The following RTL4 variants were observed in gnomAD, a reference collection of about 807,000 sequenced individuals.
The protein encoded by RTL4 is retrotransposon Gag-like protein 4.
A neutral mutation model predicts 5.3 loss-of-function variants in RTL4; 4 were observed. The ratio of observed to expected loss-of-function variants is 0.75; its 90% CI spans 0.37 to 1.72. The LOEUF is 1.72. Ranked by LOEUF, RTL4 falls within the 40% of genes most tolerant of loss-of-function variation. The pLI, the probability that RTL4 is intolerant of heterozygous loss-of-function variation, is 0.04. For synonymous variants in RTL4, 98 were observed against 87.3 expected (o/e 1.12, Z -0.68); for missense variants, 260 against 227.1 (o/e 1.14, Z -0.93).
At chrX:112,451,014 A>G (rs1926725401), upstream of RTL4, among the ~76,000 whole-genome samples, 2 of 111,367 alleles carry the variant, frequency 1.8e-5, no homozygotes, top group Admixed American at 9.5e-5. Flanking sequence ...GACTATTCAG[A>G]CATTTTTTTT....
the RTL4 span, among the ~76,000 whole-genome samples, chrX:112,356,713 C>T: frequency 9.0e-6 from 1 of 110,602 alleles, no homozygotes; most frequent in Non-Finnish European, 1.9e-5. Context: ...ATAACTTTAT[C>T]TTGTAAGTAA....
chrX:112,212,054 C>T, the RTL4 span, among the ~76,000 whole-genome samples: 1 of 112,152 alleles, frequency 8.9e-6, no homozygotes, highest in Non-Finnish European at 1.9e-5. Flanking sequence ...ACAATAGTAC[C>T]TTCTTTATAG....
At chrX:112,356,329 C>T in the RTL4 span, among the ~76,000 whole-genome samples, 19 of 111,322 alleles carry the variant, frequency 1.7e-4, no homozygotes, top group African/African-American at 5.2e-4. Context: ...GAATGTATTT[C>T]GTCTAGTCCA....
the RTL4 span, among the ~76,000 whole-genome samples, chrX:112,142,053 A>G: frequency 8.9e-6 from 1 of 112,418 alleles, no homozygotes; most frequent in South Asian, 3.7e-4. Flanking sequence ...CAATATTGCC[A>G]TCTGTACTTG....
the RTL4 span, among the ~76,000 whole-genome samples, chrX:112,096,585 C>T: frequency 9.0e-5 from 10 of 111,425 alleles, no homozygotes; most frequent in Non-Finnish European, 1.5e-4. Flanking sequence ...TGACATTAGA[C>T]TTATTATATA....
chrX:112,108,782 G>A, the RTL4 span, among the ~76,000 whole-genome samples: 6 of 111,200 alleles, frequency 5.4e-5, no homozygotes, highest in Admixed American at 5.7e-4. Context: ...TGGGCCATCC[G>A]AATTCATCCT....
downstream of RTL4, chrX:112,457,190 A>G (rs1233138836): frequency 8.1e-6 from 1 of 122,877 alleles, no homozygotes; most frequent in African/African-American, 3.2e-5. Context: ...CTTAAACCTA[A>G]CTAGGACCTT....
chrX:112,309,520 A>C, the RTL4 span, among the ~76,000 whole-genome samples: 1 of 109,488 alleles, frequency 9.1e-6, no homozygotes, highest in Admixed American at 9.9e-5. Context: ...ACAGGATCTC[A>C]CTTCGTTTAC....
chrX:112,310,369 C>CATATATATAT, the RTL4 span, among the ~76,000 whole-genome samples: 1 of 4,357 alleles, frequency 2.3e-4, no homozygotes, highest in Non-Finnish European at 4.4e-4. Flanking sequence ...CACCTTTATA[C>CATATATATAT]ATATATATAT....
At chrX:112,176,684 A>G in the RTL4 span, among the ~76,000 whole-genome samples, 4 of 112,338 alleles carry the variant, frequency 3.6e-5, no homozygotes, top group Admixed American at 2.8e-4. Flanking sequence ...CGTTGGGAAC[A>G]TTACAGTTCT....
At chrX:112,179,312 A>T in the RTL4 span, among the ~76,000 whole-genome samples, 1 of 111,390 alleles carries the variant, frequency 9.0e-6, no homozygotes, top group Non-Finnish European at 1.9e-5. Flanking sequence ...TGTTAAGGGC[A>T]AAACCATTTT....
At chrX:112,261,580 A>G in the RTL4 span, among the ~76,000 whole-genome samples, 4 of 112,014 alleles carry the variant, frequency 3.6e-5, no homozygotes, top group Admixed American at 2.8e-4. Context: ...ATGCTCATGG[A>G]TAGGAAGAAT....
exon 1 of RTL4, chrX:112,454,704 A>G (rs752766583): frequency 2.2e-5 from 25 of 1,154,727 alleles, no homozygotes; most frequent in Non-Finnish European, 2.3e-5. Context: ...ATTCTACTCA[A>G]TCCCACCTGA....
the RTL4 span, among the ~76,000 whole-genome samples, chrX:112,237,747 C>G: frequency 8.9e-6 from 1 of 111,817 alleles, no homozygotes; most frequent in African/African-American, 3.3e-5. Flanking sequence ...CGAGCGTTAC[C>G]TGTATATTAT....
the RTL4 span, among the ~76,000 whole-genome samples, chrX:112,345,274 A>G: frequency 9.0e-6 from 1 of 110,821 alleles, no homozygotes; most frequent in Non-Finnish European, 1.9e-5. Flanking sequence ...TCACTGTTAG[A>G]ACTCTCAGGA....
the RTL4 span, among the ~76,000 whole-genome samples, chrX:112,106,459 A>G: frequency 8.9e-6 from 1 of 112,162 alleles, no homozygotes; most frequent in Non-Finnish European, 1.9e-5. Context: ...TGATGCTACC[A>G]TAAACATGGG....
chrX:112,364,115 G>A, the RTL4 span, among the ~76,000 whole-genome samples: 1 of 111,881 alleles, frequency 8.9e-6, no homozygotes, highest in Admixed American at 9.5e-5. Flanking sequence ...GTGGGTAATG[G>A]GAATCTACTT....
chrX:112,168,685 C>T, the RTL4 span, among the ~76,000 whole-genome samples: 1 of 111,801 alleles, frequency 8.9e-6, no homozygotes, highest in African/African-American at 3.3e-5. Flanking sequence ...AGAAGGTTAC[C>T]CTATATGGTC....
At chrX:112,276,842 T>A in the RTL4 span, among the ~76,000 whole-genome samples, 5 of 111,980 alleles carry the variant, frequency 4.5e-5, no homozygotes, top group South Asian at 7.4e-4. Context: ...GTAAAAAAAA[T>A]TAACATTATT....
Sources: allele counts gnomAD v4.1 joint callset (sites outside exome capture counted in the v4.1 genomes callset), GRCh38; gene constraint gnomAD v4.1.1; transcripts MANE v1.5; gene names NCBI Gene and HGNC (gene_info 2026-07-23, HGNC 2026-07-21).